The following NSMAF variants were observed in gnomAD, a reference collection of about 807,000 sequenced individuals.
NSMAF encodes the protein protein FAN.
NSMAF carries 90 observed loss-of-function variants against 134.9 expected under a neutral mutation model. The ratio of observed to expected loss-of-function variants is 0.67; its 90% confidence interval spans 0.56 to 0.79. The LOEUF (loss-of-function observed/expected upper bound fraction) is 0.79. NSMAF is among the 30% of genes least tolerant of loss of function. The pLI is 0.00. For missense variants in NSMAF, 1,010 were observed against 1,119.0 expected (o/e 0.90, Z 1.39); for synonymous variants, 358 against 389.6 (o/e 0.92, Z 0.96).
intron 1 of NSMAF, chr8:58,659,311 C>T (rs1807802807): frequency 6.6e-7 from 1 of 1,526,598 alleles, no homozygotes; most frequent in Non-Finnish European, 8.8e-7. Flanking sequence ...CTCGGCATGC[C>T]TCGGCTCCGC....
chr8:58,599,552 A>G, intron 18 of NSMAF, 189 bp from the exon 19 acceptor site: 1 of 885,186 alleles, frequency 1.1e-6, no homozygotes, highest in South Asian at 2.0e-5. Context: ...TCATTTTCAC[A>G]TTAAGGTCTC....
chr8:58,654,919 C>G (rs1420109935), intron 1 of NSMAF, among the ~76,000 whole-genome samples: 1 of 152,170 alleles, frequency 6.6e-6, no homozygotes, highest in Non-Finnish European at 1.5e-5. Flanking sequence ...ACTGCAACCT[C>G]TGCCTCCCAA....
At chr8:58,595,484 A>G in intron 22 of NSMAF, 76 bp downstream of exon 22, 1 of 1,004,922 alleles carries the variant, frequency 1.0e-6, no homozygotes, top group Admixed American at 1.8e-5. Context: ...TCAGCTTAAA[A>G]CAGTTTAATC....
intron 16 of NSMAF, among the ~76,000 whole-genome samples, chr8:58,600,733 C>CA (rs1333743731): frequency 6.7e-6 from 1 of 148,994 alleles, no homozygotes; most frequent in Admixed American, 6.8e-5. Context: ...AAGGACATAC[C>CA]AAAAAATTTA....
intron 13 of NSMAF, 73 bp from the exon 14 acceptor site, chr8:58,602,210 A>G: frequency 4.2e-6 from 5 of 1,176,726 alleles, no homozygotes; most frequent in Non-Finnish European, 6.1e-6. Flanking sequence ...ATTCAAATAT[A>G]CACATTTACT....
intron 2 of NSMAF, chr8:58,639,909 T>C: frequency 3.1e-6 from 1 of 324,026 alleles, no homozygotes; most frequent in Non-Finnish European, 6.1e-6. Context: ...AAATACTACA[T>C]GATTTCACGT....
In NSMAF at chr8:58,635,559, G is replaced by A. The variant is rs372398083; in HGVS notation, c.150-13C>T. ...GCCTCTGATTTTCCTAGGGATCCAAGTACAACAGATTGTTTGATGAGCATA... is the reference window on the plus strand; with the variant it reads ...GCCTCTGATTTTCCTAGGGATCCAAATACAACAGATTGTTTGATGAGCATA... On this transcript the variant is annotated splice_polypyrimidine_tract_variant and intron_variant, in intron 2 of 30. Transcript: ENST00000038176. The A allele has an allele frequency of 9.8e-6, 15 of 1,529,372 alleles. No homozygotes were observed. Among genetic ancestry groups the A allele is most frequent in the African/African-American group, 1.4e-5 (1 of 71,928 alleles). 94.7% of individuals were successfully genotyped at this position (1,529,372 alleles called of 1,614,324 possible).
At chr8:58,587,737 C>T in intron 26 of NSMAF, 36 bp from the exon 27 acceptor site, 1 of 1,579,474 alleles carries the variant, frequency 6.3e-7, no homozygotes. Flanking sequence ...TATTTTCAAA[C>T]ATTTAACAAA....
intron 5 of NSMAF, among the ~76,000 whole-genome samples, chr8:58,634,765 G>A (rs1312023381): frequency 1.3e-5 from 2 of 152,128 alleles, no homozygotes; most frequent in Admixed American, 1.3e-4. Context: ...AATAAATCTG[G>A]AATGAACAAA....
intron 10 of NSMAF, among the ~76,000 whole-genome samples, chr8:58,609,089 A>G (rs1331193230): frequency 6.6e-6 from 1 of 152,230 alleles, no homozygotes; most frequent in Non-Finnish European, 1.5e-5. Flanking sequence ...CATAACTGCC[A>G]GACGGCAGGA....
intron 21 of NSMAF, among the ~76,000 whole-genome samples, chr8:58,596,925 C>A (rs550935054): frequency 2.0e-3 from 276 of 141,160 alleles, no homozygotes; most frequent in African/African-American, 6.9e-3. Flanking sequence ...AGCAAGACTC[C>A]GTCTCAAAAA....
At position 58,623,181 on chromosome 8, in the gene NSMAF, C is replaced by T. The variant is rs778634124; in HGVS notation, c.557+39G>A. ...AATGAGGCATACAGATGAAAATGTC[C>T]ACCACTTTTCTAATTAGGAAAGATC... On this transcript the variant is annotated intron_variant, in intron 9 of 30. Transcript: ENST00000038176. The T allele has an allele frequency of 1.0e-5, 15 of 1,481,092 alleles. No individual in the cohort carries two copies. The Admixed American group carries it at 1.7e-4, about 17-fold the overall frequency. The allele number at this position is 1,481,092 out of a possible 1,614,324, so 91.7% of individuals were successfully genotyped here.
At chr8:58,627,763 C>T (rs1236817711) in intron 6 of NSMAF, among the ~76,000 whole-genome samples, 1 of 152,102 alleles carries the variant, frequency 6.6e-6, no homozygotes, top group Non-Finnish European at 1.5e-5. Flanking sequence ...TGGGTAGAAT[C>T]AATATTGTGA....
intron 9 of NSMAF, among the ~76,000 whole-genome samples, chr8:58,622,583 C>T (rs771974248): frequency 7.2e-5 from 11 of 152,114 alleles, no homozygotes; most frequent in South Asian, 4.1e-4. Flanking sequence ...TTAGTAGAAA[C>T]AGGGTTTCAC....
intron 24 of NSMAF, among the ~76,000 whole-genome samples, chr8:58,590,589 T>G (rs1338404760): frequency 1.3e-5 from 2 of 152,210 alleles, no homozygotes; most frequent in Non-Finnish European, 2.9e-5. Context: ...ACATTTAGTC[T>G]GACAGCTAAA....
At position 58,601,550 on chromosome 8, in the gene NSMAF, A is replaced by AAAG; in HGVS notation, c.1126-16_1126-15insCTT. On this transcript the variant is annotated splice_polypyrimidine_tract_variant and intron_variant, in intron 14 of 30. Transcript: ENST00000038176. ...TGGTAGCGTGTCTAGAATACAGAAA[A>AAAG]AAAAAAAAAATAGAGCTAAGTGTTG... is the stretch of plus-strand genomic sequence containing the variant. 2 of 1,574,936 alleles carry AAAG rather than the reference A, an allele frequency of 1.3e-6. No homozygotes were observed. Among genetic ancestry groups the AAAG allele is most frequent in the Admixed American group, 2.1e-5 (1 of 48,386 alleles).
chr8:58,585,534 G>A (rs1050705602), intron 30 of NSMAF, 118 bp downstream of exon 30: 6 of 699,408 alleles, frequency 8.6e-6, no homozygotes, highest in African/African-American at 7.2e-5. Flanking sequence ...ACATGTTTAC[G>A]ACATGGAAAA....
At chr8:58,623,654 TA>T in intron 7 of NSMAF, 54 bp downstream of exon 7, 2 of 1,475,252 alleles carry the variant, frequency 1.4e-6, no homozygotes, top group Non-Finnish European at 1.9e-6. Context: ...ACGAAATTTA[TA>T]AAAACAGTTT....
intron 9 of NSMAF, among the ~76,000 whole-genome samples, chr8:58,622,403 T>TC (rs1806807244): frequency 1.3e-5 from 2 of 151,898 alleles, no homozygotes; most frequent in South Asian, 4.2e-4. Flanking sequence ...CAACTAATTT[T>TC]TTTTTTTTTA....
Sources: allele counts gnomAD v4.1 joint callset (sites outside exome capture counted in the v4.1 genomes callset), GRCh38; gene constraint gnomAD v4.1.1; transcripts MANE v1.5; gene names NCBI Gene and HGNC (gene_info 2026-07-23, HGNC 2026-07-21).